DPP10: variants seen among roughly 807,000 people sequenced by gnomAD.
DPP10 encodes the protein dipeptidyl peptidase like 10.
Under a neutral mutation model 120.9 loss-of-function variants are expected in DPP10, and 33 were observed. The ratio of observed to expected loss-of-function variants is 0.27; its 90% CI spans 0.21 to 0.37. The LOEUF (loss-of-function observed/expected upper bound fraction) is 0.37, where lower values mean the gene tolerates loss of function less well. Ranked by LOEUF, DPP10 falls within the 10% of genes least tolerant of loss-of-function variation. DPP10 has a pLI of 1.00. For missense variants in DPP10, 816 were observed against 942.8 expected (o/e 0.87, Z 1.76); for synonymous variants, 337 against 326.1 (o/e 1.03, Z -0.36).
At chr2:115,401,618 G>C (rs545490740) in intron 3 of DPP10, among the ~76,000 whole-genome samples, 3 of 152,068 alleles carry the variant, frequency 2.0e-5, no homozygotes, top group African/African-American at 7.2e-5. Context: ...ACGCAGGGCA[G>C]TATTCCTAGA....
At chr2:114,479,256 A>G (rs573769639) in intron 1 of DPP10, among the ~76,000 whole-genome samples, 2 of 152,292 alleles carry the variant, frequency 1.3e-5, no homozygotes, top group Admixed American at 1.3e-4. Flanking sequence ...TCAAATTTAT[A>G]TAGAAAGGCA....
At chr2:114,902,418 G>A (rs559633316) in intron 1 of DPP10, among the ~76,000 whole-genome samples, 1 of 152,174 alleles carries the variant, frequency 6.6e-6, no homozygotes, top group South Asian at 2.1e-4. Context: ...CTCTGTGATC[G>A]TTCAGTTGTC....
chr2:114,938,911 T>G (rs1696688598), intron 1 of DPP10, among the ~76,000 whole-genome samples: 1 of 152,080 alleles, frequency 6.6e-6, no homozygotes. Context: ...GGGGAGAGAT[T>G]TCTAGCTTTT....
At chr2:115,762,730 A>G in intron 12 of DPP10, 120 bp downstream of exon 12, 1 of 1,105,518 alleles carries the variant, frequency 9.0e-7, no homozygotes, top group South Asian at 1.3e-5. Context: ...TGACAGAGTG[A>G]TCCTTTTTCA....
intron 1 of DPP10, among the ~76,000 whole-genome samples, chr2:114,489,881 C>CTA (rs1681837649): frequency 6.6e-6 from 1 of 152,182 alleles, no homozygotes. Flanking sequence ...TTTGTTAACC[C>CTA]ATCAGAGAGT....
intron 1 of DPP10, among the ~76,000 whole-genome samples, chr2:114,907,305 T>C (rs1044563126): frequency 7.9e-5 from 12 of 152,062 alleles, no homozygotes; most frequent in Non-Finnish European, 1.8e-4. Flanking sequence ...CATTAATTTC[T>C]GTTCTAACTT....
intron 9 of DPP10, among the ~76,000 whole-genome samples, chr2:115,743,462 T>A (rs1301434050): frequency 1.3e-5 from 2 of 152,186 alleles, no homozygotes; most frequent in African/African-American, 4.8e-5. Flanking sequence ...AAACTGTGCA[T>A]CATTGGTAAG....
intron 1 of DPP10, among the ~76,000 whole-genome samples, chr2:115,045,507 C>T (rs1396747664): frequency 1.3e-5 from 2 of 152,134 alleles, no homozygotes; most frequent in Non-Finnish European, 2.9e-5. Context: ...AAACTTTCTA[C>T]TTCTACCCAG....
At chr2:115,350,065 A>G (rs1025224426) in intron 3 of DPP10, among the ~76,000 whole-genome samples, 2 of 152,122 alleles carry the variant, frequency 1.3e-5, no homozygotes, top group Non-Finnish European at 2.9e-5. Flanking sequence ...TTGCAACATA[A>G]TTTATAAAGA....
intron 21 of DPP10, among the ~76,000 whole-genome samples, chr2:115,833,383 G>C (rs1257534124): frequency 6.6e-6 from 1 of 152,156 alleles, no homozygotes; most frequent in Non-Finnish European, 1.5e-5. Flanking sequence ...GAAGAGTCTT[G>C]CCTACGGGAA....
At chr2:115,233,050 G>C (rs1373430192) in intron 1 of DPP10, among the ~76,000 whole-genome samples, 1 of 144,598 alleles carries the variant, frequency 6.9e-6, no homozygotes, top group Non-Finnish European at 1.5e-5. Context: ...TCTTAATCTT[G>C]ACTGTAGATT....
chr2:115,040,867 C>T lies in DPP10; in HGVS notation c.61-268372C>T, dbSNP rs192503317. ...GGTGTGGTGTTTCACCCCTGTAATCCCAGCACTTTGGGAGGCTGAGGCAGG... is the reference window on the plus strand; with the variant it reads ...GGTGTGGTGTTTCACCCCTGTAATCTCAGCACTTTGGGAGGCTGAGGCAGG... On this transcript the variant is annotated intron_variant, in intron 1 of 25. Transcript: ENST00000410059. 1.6e-3 allele frequency among the ~76,000 whole-genome samples: 249 copies of T among 152,210 alleles called. 2 individuals carry two copies. The highest frequency in any genetic ancestry group is 5.7e-3 in the African/African-American group (237 of 41,508).
At chr2:114,812,798 C>T (rs1574248258) in intron 1 of DPP10, among the ~76,000 whole-genome samples, 1 of 152,134 alleles carries the variant, frequency 6.6e-6, no homozygotes, top group East Asian at 1.9e-4. Context: ...AAACTGAGTG[C>T]CTGTCACAAA....
intron 1 of DPP10, among the ~76,000 whole-genome samples, 157 bp from the exon 2 acceptor site, chr2:115,309,082 T>C (rs2061479515): frequency 6.6e-6 from 1 of 152,118 alleles, no homozygotes; most frequent in Non-Finnish European, 1.5e-5. Context: ...CCATTTATAA[T>C]ATGTGCACTT....
At position 115,105,196 on chromosome 2, in the gene DPP10, C is replaced by T. The variant is rs1187089812; in HGVS notation, c.61-204043C>T. ...TTATTCTTCCTTAAAATCTTTTTCTCTGAGATGATTATGTCATGATTTTAC... is the reference window on the plus strand; with the variant it reads ...TTATTCTTCCTTAAAATCTTTTTCTTTGAGATGATTATGTCATGATTTTAC... On this transcript the variant is annotated intron_variant, in intron 1 of 25. Transcript: ENST00000410059. Among the ~76,000 whole-genome samples the T allele has an allele frequency of 2.6e-5, 4 of 152,114 alleles. No individual in the cohort carries two copies. In the East Asian group the frequency reaches 7.7e-4, roughly 29 times the overall value.
chr2:115,047,967 T>G (rs922741754), intron 1 of DPP10, among the ~76,000 whole-genome samples: 64 of 152,230 alleles, frequency 4.2e-4, no homozygotes, highest in African/African-American at 1.5e-3. Context: ...CTGAAAATTG[T>G]AATAGTTTCT....
chr2:114,789,559 T>C (rs745501570), intron 1 of DPP10, among the ~76,000 whole-genome samples: 12 of 152,200 alleles, frequency 7.9e-5, no homozygotes, highest in Non-Finnish European at 1.2e-4. Context: ...ATTCAGAATC[T>C]GCATTTTAAC....
At chr2:115,274,136 T>C (rs2059814118) in intron 1 of DPP10, among the ~76,000 whole-genome samples, 1 of 152,166 alleles carries the variant, frequency 6.6e-6, no homozygotes, top group Admixed American at 6.6e-5. Flanking sequence ...CCACTTTGGA[T>C]ATCACTCAGT....
chr2:114,915,231 A>T (rs927978699), intron 1 of DPP10, among the ~76,000 whole-genome samples: 2 of 152,232 alleles, frequency 1.3e-5, no homozygotes, highest in Non-Finnish European at 2.9e-5. Flanking sequence ...GACAAAACAG[A>T]CTTTAAGCCA....
Sources: allele counts gnomAD v4.1 joint callset (sites outside exome capture counted in the v4.1 genomes callset), GRCh38; gene constraint gnomAD v4.1.1; transcripts MANE v1.5; gene names NCBI Gene and HGNC (gene_info 2026-07-23, HGNC 2026-07-21).